Variants in PRR16 observed in about 807,000 individuals in gnomAD.
PRR16 encodes protein Largen.
A neutral mutation model predicts 18.2 loss-of-function variants in PRR16; 6 were observed. The ratio of observed to expected loss-of-function variants is 0.33; its 90% confidence interval spans 0.18 to 0.65. PRR16 has a LOEUF of 0.65. Ranked by LOEUF, PRR16 falls within the 30% of genes least tolerant of loss-of-function variation. The pLI is 0.74. For synonymous variants in PRR16, 151 were observed against 147.8 expected (o/e 1.02, Z -0.16); for missense variants, 412 against 376.6 (o/e 1.09, Z -0.78).
At chr5:120,554,210 C>T (rs896132484) in intron 1 of PRR16, among the ~76,000 whole-genome samples, 2 of 151,734 alleles carry the variant, frequency 1.3e-5, no homozygotes, top group African/African-American at 4.8e-5. Flanking sequence ...AGGATATTTG[C>T]CAATATACTC....
In PRR16 at chr5:120,505,946, GTATATATA is replaced by G. The variant is rs10635515; in HGVS notation, c.159+41318_159+41325del. Among the ~76,000 whole-genome samples the G allele has an allele frequency of 1.1e-3, 152 of 141,316 alleles. 1 individual carries two copies. Among genetic ancestry groups the G allele is most frequent in the African/African-American group, 3.6e-3 (140 of 38,656 alleles). The allele number at this position is 141,316 out of a possible 152,430, so 92.7% of individuals were successfully genotyped here. On this transcript the variant is annotated intron_variant, in intron 1 of 1. Coordinates refer to ENST00000407149, the MANE Select transcript of PRR16 (RefSeq NM_001300783.2). ...TATATATGTGTGTATGTGTGTGTGT[GTATATATA>G]TATATATATATATATACACATTTTT... is the stretch of plus-strand genomic sequence containing the variant.
chr5:120,711,946 C>G, the PRR16 span, among the ~76,000 whole-genome samples: 1 of 152,182 alleles, frequency 6.6e-6, no homozygotes, highest in South Asian at 2.1e-4. Flanking sequence ...CCCATTTCCA[C>G]ACCCAGAAAA....
At chr5:120,663,206 CTT>C (rs71702842) in intron 1 of PRR16, among the ~76,000 whole-genome samples, 1 of 151,340 alleles carries the variant, frequency 6.6e-6, no homozygotes, top group Non-Finnish European at 1.5e-5. Flanking sequence ...TAAAACCCCC[CTT>C]TTTTTTTCCC....
At chr5:120,743,060 C>G in the PRR16 span, among the ~76,000 whole-genome samples, 1 of 152,300 alleles carries the variant, frequency 6.6e-6, no homozygotes, top group African/African-American at 2.4e-5. Context: ...TGCAAAGTTC[C>G]TGTTCTACCT....
At chr5:120,727,769 C>A in the PRR16 span, among the ~76,000 whole-genome samples, 1 of 151,744 alleles carries the variant, frequency 6.6e-6, no homozygotes, top group Non-Finnish European at 1.5e-5. Context: ...TGTTAGATAT[C>A]TAAACATGTA....
At chr5:120,646,928 A>T (rs1216230560) in intron 1 of PRR16, among the ~76,000 whole-genome samples, 2 of 152,006 alleles carry the variant, frequency 1.3e-5, no homozygotes, top group Non-Finnish European at 2.9e-5. Flanking sequence ...TTTTTCCAGG[A>T]ATCATGGGTT....
the PRR16 span, among the ~76,000 whole-genome samples, chr5:120,769,868 CTT>C: frequency 6.6e-6 from 1 of 151,818 alleles, no homozygotes; most frequent in African/African-American, 2.4e-5. Context: ...CTCACTGACA[CTT>C]GTTTTCTTTT....
the PRR16 span, among the ~76,000 whole-genome samples, chr5:120,720,408 T>C: frequency 6.6e-6 from 1 of 152,050 alleles, no homozygotes; most frequent in African/African-American, 2.4e-5. Context: ...GCATCTTTCT[T>C]CTACATATAA....
intron 1 of PRR16, among the ~76,000 whole-genome samples, chr5:120,489,789 A>T (rs1382117023): frequency 6.6e-6 from 1 of 152,060 alleles, no homozygotes; most frequent in Non-Finnish European, 1.5e-5. Flanking sequence ...AGTGGCTGGT[A>T]CCGGTTGTTC....
At chr5:120,633,309 GAAAAAGAACC>G (rs1755119332) in intron 1 of PRR16, among the ~76,000 whole-genome samples, 2 of 151,928 alleles carry the variant, frequency 1.3e-5, no homozygotes, top group South Asian at 4.2e-4. Context: ...ATAACACAAT[GAAAAAGAACC>G]AATGTATTCA....
intron 1 of PRR16, among the ~76,000 whole-genome samples, chr5:120,585,364 C>A (rs1440476003): frequency 2.6e-5 from 4 of 152,064 alleles, no homozygotes; most frequent in African/African-American, 9.7e-5. Context: ...AATCCCAGCA[C>A]TTTGGGAGGC....
At chr5:120,775,079 T>C in the PRR16 span, among the ~76,000 whole-genome samples, 1 of 152,166 alleles carries the variant, frequency 6.6e-6, no homozygotes, top group Non-Finnish European at 1.5e-5. Context: ...GTTTAAAGAT[T>C]CCCAATTGAA....
intron 1 of PRR16, among the ~76,000 whole-genome samples, chr5:120,612,155 A>G (rs1422402685): frequency 6.6e-6 from 1 of 152,116 alleles, no homozygotes; most frequent in Admixed American, 6.6e-5. Flanking sequence ...TTTACCCAAT[A>G]CCTGTACCTC....
At chr5:120,551,800 A>G (rs928807163) in intron 1 of PRR16, among the ~76,000 whole-genome samples, 4 of 151,964 alleles carry the variant, frequency 2.6e-5, no homozygotes, top group Admixed American at 6.6e-5. Context: ...GGCTCACTAG[A>G]GAGAAGATAC....
In PRR16 at chr5:120,603,458, A is replaced by G. The variant is rs1451710504; in HGVS notation, c.160-82496A>G. On this transcript the variant is annotated intron_variant, in intron 1 of 1. Coordinates refer to ENST00000407149, the MANE Select transcript of PRR16 (RefSeq NM_001300783.2). Reference sequence around the variant, plus strand: ...TTGTTTGAATCTTCTCTCTTTCTTTATCATCCTAGCTAGCAGTCTATCAAT... The same window carrying G: ...TTGTTTGAATCTTCTCTCTTTCTTTGTCATCCTAGCTAGCAGTCTATCAAT... 2.6e-5 allele frequency among the ~76,000 whole-genome samples: 4 copies of G among 151,700 alleles called. No individual in the cohort carries two copies. In the East Asian group the frequency reaches 5.8e-4, roughly 22 times the overall value.
At chr5:120,760,170 C>A in the PRR16 span, among the ~76,000 whole-genome samples, 2 of 151,950 alleles carry the variant, frequency 1.3e-5, no homozygotes, top group African/African-American at 4.8e-5. Context: ...ATGATTGGAG[C>A]CATATTTCTC....
chr5:120,682,391 A>T (rs1320192761), intron 1 of PRR16, among the ~76,000 whole-genome samples: 1 of 152,108 alleles, frequency 6.6e-6, no homozygotes, highest in East Asian at 1.9e-4. Flanking sequence ...AGGCCCTTTC[A>T]TGGATTGTCT....
chr5:120,545,080 A>C (rs747031420), intron 1 of PRR16, among the ~76,000 whole-genome samples: 2 of 152,110 alleles, frequency 1.3e-5, no homozygotes, highest in African/African-American at 2.4e-5. Flanking sequence ...AAGACTGAGC[A>C]CAGAGGTAGG....
At chr5:120,615,384 C>CTTTTTTTTTTTTTTTTTT (rs10717083) in intron 1 of PRR16, among the ~76,000 whole-genome samples, 5 of 119,480 alleles carry the variant, frequency 4.2e-5, no homozygotes, top group South Asian at 2.7e-4. Context: ...TCTTTCTTTT[C>CTTTTTTTTTTTTTTTTTT]TTTTTTTTTT....
Sources: allele counts gnomAD v4.1 joint callset (sites outside exome capture counted in the v4.1 genomes callset), GRCh38; gene constraint gnomAD v4.1.1; transcripts MANE v1.5; gene names NCBI Gene and HGNC (gene_info 2026-07-23, HGNC 2026-07-21).